The following TEP1 variants were observed in gnomAD, a reference collection of about 807,000 sequenced individuals.
TEP1 encodes the protein telomerase protein component 1.
TEP1 carries 241 observed loss-of-function variants against 306.3 expected under a neutral mutation model. The ratio of observed to expected loss-of-function variants is 0.79; its 90% confidence interval spans 0.71 to 0.88. The LOEUF (loss-of-function observed/expected upper bound fraction) is 0.88, where lower values mean the gene tolerates loss of function less well. TEP1 is among the 40% of genes least tolerant of loss of function. TEP1 has a pLI of 0.00. For synonymous variants in TEP1, 1,289 were observed against 1,305.5 expected (o/e 0.99, Z 0.27); for missense variants, 3,051 against 3,276.1 (o/e 0.93, Z 1.68).
chr14:20,389,211 A>T (rs1278694560), intron 17 of TEP1, 27 bp downstream of exon 17: 1 of 1,609,284 alleles, frequency 6.2e-7, no homozygotes, highest in Admixed American at 1.7e-5. Context: ...AAAGTATCCA[A>T]CCCTTCAGTA....
rs1337976796 is a variant in TEP1, at chr14:20,404,607, A to G, written c.1032+4T>C. On this transcript the variant is annotated splice_donor_region_variant and intron_variant, in intron 5 of 54. Coordinates refer to ENST00000262715, the MANE Select transcript of TEP1 (RefSeq NM_007110.5). ...GCCCAAGCTCAGGGAAATGAGCACC[A>G]TACCTGGTAAAGCTCAGCCACCTGG... 4.3e-6 allele frequency: 7 copies of G among 1,611,730 alleles called. No homozygotes were observed. The highest frequency in any genetic ancestry group is 1.3e-5 in the African/African-American group (1 of 74,860).
At position 20,369,704 on chromosome 14, in the gene TEP1, T is replaced by C; in HGVS notation, c.7393A>G (p.Ile2465Val). The change falls in exon 52 of 55, where the codon ATA becomes GTA. Residue 2465 changes from isoleucine (I) to valine (V), a missense_variant. By Grantham distance (29) the Ile-to-Val change is conservative. This residue lies in a region of TEP1 where 1,540 missense variants were observed against 1,705.9 expected (regional missense o/e 0.90). Coordinates refer to ENST00000262715, the MANE Select transcript of TEP1 (RefSeq NM_007110.5). ...INLENPSRTL[I>V]SITQAKPESE... ...TCAGGTTTGGCTTGAGTTATCGATA[T>C]TAGGGTCCTACTAGGATTCTCTAAG... 1 of 1,614,140 alleles carries C rather than the reference T, an allele frequency of 6.2e-7. No homozygotes were observed. Among genetic ancestry groups the C allele is most frequent in the Non-Finnish European group, 8.5e-7 (1 of 1,180,008 alleles).
At chr14:20,407,543 G>A (rs1335388463) in intron 2 of TEP1, among the ~76,000 whole-genome samples, 1 of 152,196 alleles carries the variant, frequency 6.6e-6, no homozygotes, top group South Asian at 2.1e-4. Context: ...GTTTCACCAT[G>A]TTGCCCAGGC....
At chr14:20,376,058 C>T in intron 42 of TEP1, 46 bp downstream of exon 42, 2 of 1,597,136 alleles carry the variant, frequency 1.3e-6, no homozygotes, top group Non-Finnish European at 8.5e-7. Context: ...AATCTAGGAA[C>T]TAGAGAGGCT....
chr14:20,381,925 T>C lies in TEP1; in HGVS notation c.4412A>G (p.Gln1471Arg). 6.2e-7 allele frequency: 1 copy of C among 1,614,086 alleles called. No homozygotes were observed. The highest frequency in any genetic ancestry group is 8.5e-7 in the Non-Finnish European group (1 of 1,180,006). The change falls in exon 30 of 55, where the codon CAG becomes CGG. Residue 1471 changes from glutamine to arginine, a missense_variant. Around this residue, in one of 3 missense-constraint regions of TEP1, gnomAD observed 1,540 missense variants for 1,705.9 expected, o/e 0.90. Transcript: ENST00000262715. The surrounding 1 kb of genome is among the most constrained non-coding windows in gnomAD (Gnocchi z 4.0). ...GGGGCACCTGTACCTGCGCAGACTCTGGACGAGGCAGGCAAACGGGCCCAT... is the reference window on the plus strand; with the variant it reads ...GGGGCACCTGTACCTGCGCAGACTCCGGACGAGGCAGGCAAACGGGCCCAT... ...YPMGPFACLVQSLRSLLGEGP... is the reference protein window; with the variant it reads ...YPMGPFACLVRSLRSLLGEGP...
chr14:20,375,823 T>A lies in TEP1; in HGVS notation c.6295A>T (p.Ile2099Phe), dbSNP rs952621753. ...DVRTPKTPVLIHSFPACHRDW... is the reference protein window; with the variant it reads ...DVRTPKTPVLFHSFPACHRDW... ...CGGTGACAGGCAGGGAAGGAGTGGA[T>A]CAAAACAGGGGTTTTGGGTGTCCTC... The change falls in exon 43 of 55, where the codon ATC becomes TTC. Residue 2099 changes from isoleucine to phenylalanine, a missense_variant. Ile to Phe is a conservative substitution (Grantham distance 21). Coordinates refer to ENST00000262715, the MANE Select transcript of TEP1 (RefSeq NM_007110.5). 6.2e-6 allele frequency: 10 copies of A among 1,613,506 alleles called. No individual in the cohort carries two copies. The highest frequency in any genetic ancestry group is 8.5e-6 in the Non-Finnish European group (10 of 1,179,958).
intron 53 of TEP1, 108 bp from the exon 54 acceptor site, chr14:20,369,010 CT>C (rs754858941): frequency 0.21 from 121,704 of 570,638 alleles, no homozygotes; most frequent in South Asian, 0.3. Context: ...CTTAGTATTT[CT>C]TTTTTTTTTT....
At chr14:20,411,108 C>G (rs1879655934) in intron 1 of TEP1, among the ~76,000 whole-genome samples, 1 of 152,196 alleles carries the variant, frequency 6.6e-6, no homozygotes, top group African/African-American at 2.4e-5. Context: ...GCGTGAGCCA[C>G]CGCACCCAGC....
chr14:20,392,766 T>C (rs1877827166), intron 12 of TEP1, among the ~76,000 whole-genome samples: 1 of 152,224 alleles, frequency 6.6e-6, no homozygotes, highest in Non-Finnish European at 1.5e-5. Flanking sequence ...TTATTTTTAG[T>C]TTTGTCAGGT....
rs758909688 is a variant in TEP1 at position 20,369,539 on chromosome 14, T to C, written c.7461A>G (p.Leu2487=). 52 of 1,614,006 alleles carry C rather than the reference T, an allele frequency of 3.2e-5. 1 individual carries two copies. In the South Asian group the frequency reaches 4.8e-4, roughly 15 times the overall value. ...CTGGGCTGCATTTGGCCAGGTTCCATAGGATCCCATCAGAGCTGGCACACA... is the reference window on the plus strand; with the variant it reads ...CTGGGCTGCATTTGGCCAGGTTCCACAGGATCCCATCAGAGCTGGCACACA... The part of the protein sequence containing the change: ...SFLCASSDGI[L]WNLAKCSPEG... Residue 2487 remains leucine (L), a synonymous_variant, in exon 53 of 55, where the codon CTA becomes CTG. Transcript: ENST00000262715.
rs1884464674 is a variant in TEP1, at chr14:20,366,163, C to T, written c.*2274G>A. ...CTCCAAGATGAAACAAAAAACCCTT[C>T]AAGTGGGCCTGGCCAACAAGACTGA... On this transcript the variant is annotated 3_prime_UTR_variant, in exon 55 of 55. Transcript: ENST00000262715. 6.6e-6 allele frequency: 1 copy of T among 152,248 alleles called. No homozygotes were observed. The highest frequency in any genetic ancestry group is 2.1e-4 in the South Asian group (1 of 4,834). 9.4% of individuals were successfully genotyped at this position (152,248 alleles called of 1,614,324 possible).
At position 20,373,274 on chromosome 14, in the gene TEP1, T is replaced by C; in HGVS notation, c.6810A>G (p.Glu2270=). The C allele has an allele frequency of 6.2e-7, 1 of 1,614,034 alleles. No individual in the cohort carries two copies. Among genetic ancestry groups the C allele is most frequent in the Non-Finnish European group, 8.5e-7 (1 of 1,179,906 alleles). The part of the protein sequence containing the change: ...GSVRLWQVPK[E]ADDTCIPRSS... ...CTCTCTCCAAGCCTCACTCACCTGC[T>C]TCCTTAGGAACCTGCCAGAGCCGTA... The change falls in exon 47 of 55, where the codon GAA becomes GAG. Residue 2270 remains glutamate, a synonymous_variant. Transcript: ENST00000262715.
At chr14:20,401,365 TG>T in intron 8 of TEP1, 91 bp downstream of exon 8, 1 of 1,549,512 alleles carries the variant, frequency 6.5e-7, no homozygotes, top group Non-Finnish European at 8.7e-7. Flanking sequence ...GTCATGTTGC[TG>T]GGTTTGAGAA....
rs749093576 is a variant in TEP1 at position 20,408,113 on chromosome 14, G to T, written c.327C>A (p.Asn109Lys). The T allele has an allele frequency of 1.6e-5, 25 of 1,609,824 alleles. No individual in the cohort carries two copies. The highest frequency in any genetic ancestry group is 2.0e-5 in the Non-Finnish European group (23 of 1,177,424). ...GACTAGAGAGGGTGGCCAGGCACCG[G>T]TTCTCCAAGGAGAGGATGTCTGGGT... Reference protein sequence around the residue: ...SAHPDILSLENRCLATLSSLK... With the variant: ...SAHPDILSLEKRCLATLSSLK... The change falls in exon 2 of 55, where the codon AAC (asparagine) becomes AAA (lysine). Residue 109 changes from asparagine to lysine, a missense_variant. Around this residue, in one of 3 missense-constraint regions of TEP1, gnomAD observed 1,507 missense variants for 1,550.5 expected, o/e 0.97. Transcript: ENST00000262715.
Position 20,395,452 on chromosome 14 carries a change from G to A in TEP1, c.1926C>T (p.Ala642=). The A allele has an allele frequency of 6.3e-7, 1 of 1,590,134 alleles. No individual in the cohort carries two copies. The highest frequency in any genetic ancestry group is 2.3e-5 in the East Asian group (1 of 44,252). ...LKREKLRVHK[A]RQWKYDGEML... ...GCTCCCAGACAGTGCATACATACCT[G>A]GCCTTGTGTACTCTCAGCTTCTCCC... Residue 642 remains alanine (A), a splice_region_variant and synonymous_variant, in exon 12 of 55, where the codon GCC becomes GCT. Coordinates refer to ENST00000262715, the MANE Select transcript of TEP1 (RefSeq NM_007110.5).
At chr14:20,396,209 C>A (rs1878194973) in intron 10 of TEP1, among the ~76,000 whole-genome samples, 1 of 152,358 alleles carries the variant, frequency 6.6e-6, no homozygotes, top group African/African-American at 2.4e-5. Flanking sequence ...TAGCTCACGC[C>A]TGTAATCCCA....
chr14:20,392,277 C>T (rs1230848964), intron 12 of TEP1, among the ~76,000 whole-genome samples: 6 of 152,076 alleles, frequency 3.9e-5, no homozygotes, highest in Non-Finnish European at 8.8e-5. Context: ...ATTCTGCAAC[C>T]GCCAATGAAA....
rs1878670731 is a variant in TEP1 at position 20,400,981 on chromosome 14, T to C, written c.1549+3A>G. On this transcript the variant is annotated splice_donor_region_variant and intron_variant, in intron 9 of 54. Transcript: ENST00000262715. ...GGGAATGTGATGGTCAAGGTCACTC[T>C]ACCAATGAGTTCCTCCCAGACCGAC... is the stretch of plus-strand genomic sequence containing the variant. 6.2e-7 allele frequency: 1 copy of C among 1,614,092 alleles called. No individual in the cohort carries two copies. The highest frequency in any genetic ancestry group is 1.3e-5 in the African/African-American group (1 of 75,052).
intron 4 of TEP1, among the ~76,000 whole-genome samples, chr14:20,405,247 T>C (rs1879084868): frequency 6.6e-6 from 1 of 152,204 alleles, no homozygotes; most frequent in Non-Finnish European, 1.5e-5. Flanking sequence ...AATGGGTACT[T>C]ACTAAACAAA....
Sources: gnomAD v4.1 joint callset for allele counts (sites outside exome capture counted in the v4.1 genomes callset) on GRCh38, gnomAD v4.1.1 for gene constraint, gnomAD v4.1.1 regional missense constraint, Gnocchi (gnomAD v3.1) non-coding constraint, MANE v1.5 for transcripts, NCBI Gene and HGNC (gene_info 2026-07-23, HGNC 2026-07-21) for gene names.